The following SLC39A11 variants were observed in gnomAD, a reference collection of about 807,000 sequenced individuals.
The protein encoded by SLC39A11 is zinc transporter ZIP11.
SLC39A11 carries 33 observed loss-of-function variants against 36.1 expected under a neutral mutation model. The ratio of observed to expected loss-of-function variants is 0.91; its 90% CI spans 0.69 to 1.22. The LOEUF (loss-of-function observed/expected upper bound fraction) is 1.22, where lower values mean the gene tolerates loss of function less well. SLC39A11 is among the 50% of genes most tolerant of loss of function. The pLI is 0.00. For missense variants in SLC39A11, 432 were observed against 430.3 expected (o/e 1.00, Z -0.03); for synonymous variants, 166 against 170.3 (o/e 0.97, Z 0.20).
At chr17:72,769,349 C>T (rs1422421075) in intron 6 of SLC39A11, among the ~76,000 whole-genome samples, 1 of 152,138 alleles carries the variant, frequency 6.6e-6, no homozygotes, top group Non-Finnish European at 1.5e-5. Flanking sequence ...GCATTACATA[C>T]AATAGAACAT....
At chr17:72,876,223 C>G (rs142262287) in intron 5 of SLC39A11, among the ~76,000 whole-genome samples, 7 of 152,130 alleles carry the variant, frequency 4.6e-5, no homozygotes, top group African/African-American at 1.4e-4. Flanking sequence ...TGGGTGGAAA[C>G]AGAAATTGGA....
intron 4 of SLC39A11, among the ~76,000 whole-genome samples, chr17:72,987,704 C>A (rs763064002): frequency 6.6e-6 from 1 of 152,162 alleles, no homozygotes; most frequent in Admixed American, 6.5e-5. Context: ...TCAGAATACC[C>A]CTTCCTCTTC....
rs1479870234 is a variant in SLC39A11, at chr17:72,770,502, A to T, written c.602-33783T>A. 3.3e-5 allele frequency among the ~76,000 whole-genome samples: 5 copies of T among 152,106 alleles called. No individual in the cohort carries two copies. The East Asian group carries it at 9.6e-4, about 29-fold the overall frequency. ...CTAATGTTCTTAGAAATCTGCTGTGATTGGCGGCTCTTCTTCCCAGGCCTC... is the reference window on the plus strand; with the variant it reads ...CTAATGTTCTTAGAAATCTGCTGTGTTTGGCGGCTCTTCTTCCCAGGCCTC... On this transcript the variant is annotated intron_variant, in intron 6 of 9. Coordinates refer to ENST00000255559, the MANE Select transcript of SLC39A11 (RefSeq NM_139177.4).
At chr17:72,908,381 A>C (rs1372445294) in intron 5 of SLC39A11, among the ~76,000 whole-genome samples, 5 of 152,176 alleles carry the variant, frequency 3.3e-5, no homozygotes, top group Admixed American at 2.0e-4. Context: ...CCTCCTTCAA[A>C]TCGCTGCTGC....
chr17:72,802,207 A>G (rs1450127705), intron 6 of SLC39A11, among the ~76,000 whole-genome samples: 1 of 152,214 alleles, frequency 6.6e-6, no homozygotes, highest in Non-Finnish European at 1.5e-5. Context: ...AATATCCCAC[A>G]GCCCAGGAAG....
intron 4 of SLC39A11, among the ~76,000 whole-genome samples, chr17:73,026,874 G>A (rs8074504): frequency 0.1 from 15,511 of 151,952 alleles, 1,241 homozygotes; most frequent in African/African-American, 0.22. Context: ...ACACTGAAGA[G>A]GGGGAGGCCA....
chr17:72,716,998 C>T (rs199608183), intron 7 of SLC39A11, among the ~76,000 whole-genome samples: 10,850 of 129,806 alleles, frequency 0.084, 570 homozygotes, highest in African/African-American at 0.15. Context: ...TATATACACA[C>T]ACACACACAC....
intron 9 of SLC39A11, 123 bp downstream of exon 9, chr17:72,648,680 G>A (rs2069696505): frequency 3.3e-6 from 4 of 1,201,130 alleles, no homozygotes; most frequent in Non-Finnish European, 4.7e-6. Flanking sequence ...GATGATCTTG[G>A]GAAGGGGCAG....
chr17:72,956,645 T>C (rs1046141346), intron 4 of SLC39A11, among the ~76,000 whole-genome samples: 4 of 152,222 alleles, frequency 2.6e-5, no homozygotes, highest in African/African-American at 9.6e-5. Context: ...CTAGACTTAG[T>C]CCCAGACTTT....
intron 3 of SLC39A11, among the ~76,000 whole-genome samples, chr17:73,040,750 T>C (rs113189841): frequency 0.088 from 13,327 of 152,062 alleles, 686 homozygotes; most frequent in African/African-American, 0.13. Flanking sequence ...TTTGGGAGGC[T>C]GAGGTGGGCA....
At chr17:72,976,544 A>C (rs1175844119) in intron 4 of SLC39A11, among the ~76,000 whole-genome samples, 1 of 152,196 alleles carries the variant, frequency 6.6e-6, no homozygotes, top group Admixed American at 6.5e-5. Context: ...CCTCATTTGC[A>C]GAAAGGCACA....
At chr17:72,943,871 G>A (rs1225955011) in intron 5 of SLC39A11, among the ~76,000 whole-genome samples, 2 of 152,174 alleles carry the variant, frequency 1.3e-5, no homozygotes, top group African/African-American at 4.8e-5. Context: ...AGTTGCCATG[G>A]ACCCTCAGGT....
At chr17:72,699,052 A>G (rs967128952) in intron 7 of SLC39A11, among the ~76,000 whole-genome samples, 25 of 152,054 alleles carry the variant, frequency 1.6e-4, no homozygotes, top group Admixed American at 3.3e-4. Flanking sequence ...GATGGTCTCG[A>G]TCTCCTGACC....
chr17:73,033,753 G>A (rs1179108658), intron 3 of SLC39A11, among the ~76,000 whole-genome samples: 4 of 152,144 alleles, frequency 2.6e-5, no homozygotes, highest in Admixed American at 6.6e-5. Flanking sequence ...ACTTAATTAT[G>A]CCTTGCCTTA....
At chr17:72,678,804 C>T (rs1054319481) in intron 7 of SLC39A11, among the ~76,000 whole-genome samples, 4 of 152,062 alleles carry the variant, frequency 2.6e-5, no homozygotes, top group African/African-American at 7.3e-5. Context: ...CTCTCAGAGA[C>T]GACATCCAGG....
intron 6 of SLC39A11, among the ~76,000 whole-genome samples, chr17:72,845,643 C>T (rs2079014159): frequency 1.3e-5 from 2 of 152,196 alleles, no homozygotes; most frequent in African/African-American, 4.8e-5. Context: ...CATCGACTAT[C>T]TCACCTTGCT....
At chr17:72,730,941 G>A (rs560201807) in intron 7 of SLC39A11, among the ~76,000 whole-genome samples, 4 of 152,270 alleles carry the variant, frequency 2.6e-5, no homozygotes, top group South Asian at 2.1e-4. Context: ...TAGTAGAGAC[G>A]GGTTTTCACC....
intron 6 of SLC39A11, among the ~76,000 whole-genome samples, chr17:72,755,060 C>T (rs919694919): frequency 1.3e-3 from 2 of 1,570 alleles, no homozygotes; most frequent in African/African-American, 3.7e-3. Flanking sequence ...CAGTGTGTCA[C>T]GGGGACACTC....
At chr17:72,876,401 T>C (rs544646643) in intron 5 of SLC39A11, among the ~76,000 whole-genome samples, 6 of 152,320 alleles carry the variant, frequency 3.9e-5, no homozygotes, top group South Asian at 4.1e-4. Flanking sequence ...TGTTAGAACA[T>C]AGTGCTAGCA....
Sources: allele counts gnomAD v4.1 joint callset (sites outside exome capture counted in the v4.1 genomes callset), GRCh38; gene constraint gnomAD v4.1.1; transcripts MANE v1.5; gene names NCBI Gene and HGNC (gene_info 2026-07-23, HGNC 2026-07-21).